STUM: variants seen among roughly 807,000 people sequenced by gnomAD.
STUM encodes stum, mechanosensory transduction mediator homolog, also known as protein stum homolog.
Under a neutral mutation model 15.3 loss-of-function variants are expected in STUM, and 8 were observed. That is an observed-to-expected ratio of 0.52 (90% CI 0.31 to 0.94). The LOEUF (loss-of-function observed/expected upper bound fraction) is 0.94. Ranked by LOEUF, STUM falls within the 40% of genes least tolerant of loss-of-function variation. The pLI is 0.05. For missense variants in STUM, 142 were observed against 204.9 expected (o/e 0.69, Z 1.87); for synonymous variants, 78 against 88.7 (o/e 0.88, Z 0.68).
chr1:226,557,631 C>T (rs1384247799), intron 1 of STUM, among the ~76,000 whole-genome samples: 5 of 152,222 alleles, frequency 3.3e-5, no homozygotes. Context: ...TCCACGTCCT[C>T]ACCAACACTT....
intron 1 of STUM, among the ~76,000 whole-genome samples, chr1:226,553,272 T>G (rs1382601886): frequency 1.3e-5 from 2 of 152,142 alleles, no homozygotes; most frequent in East Asian, 3.8e-4. Flanking sequence ...GAGAAGGACA[T>G]TCTAGAGAGT....
intron 1 of STUM, among the ~76,000 whole-genome samples, chr1:226,562,281 C>CA (rs1403022052): frequency 6.6e-6 from 1 of 151,872 alleles, no homozygotes; most frequent in East Asian, 1.9e-4. Flanking sequence ...CTGGCCTGGC[C>CA]AGCGTGATGA....
chr1:226,573,441 C>A (rs1667753112), intron 1 of STUM, among the ~76,000 whole-genome samples: 1 of 152,172 alleles, frequency 6.6e-6, no homozygotes, highest in South Asian at 2.1e-4. Context: ...AAATCCAGGG[C>A]ACAGTGGATT....
chr1:226,561,823 G>A (rs940686635), intron 1 of STUM, among the ~76,000 whole-genome samples: 1 of 152,144 alleles, frequency 6.6e-6, no homozygotes, highest in African/African-American at 2.4e-5. Context: ...ACTTACACAG[G>A]GAACATGAGA....
At chr1:226,577,961 G>A (rs1364154065) in intron 1 of STUM, among the ~76,000 whole-genome samples, 1 of 152,078 alleles carries the variant, frequency 6.6e-6, no homozygotes, top group African/African-American at 2.4e-5. Flanking sequence ...CTTTTCTTTG[G>A]GGGAGGTCTG....
intron 1 of STUM, among the ~76,000 whole-genome samples, chr1:226,577,427 G>A (rs768493887): frequency 2.1e-4 from 32 of 152,130 alleles, no homozygotes; most frequent in Non-Finnish European, 3.7e-4. Context: ...GAAGCCTCGG[G>A]AAGTCTCCAG....
Position 226,563,319 on chromosome 1 carries a change from C to G in STUM, c.202+14213C>G, listed in dbSNP as rs568693016. On this transcript the variant is annotated intron_variant, in intron 1 of 3. Transcript: ENST00000366788. Reference sequence around the variant, plus strand: ...TAAGTCAGGGGCTATCTGGGGACCACAGGAAAAAAGTCAGGGCACAAGGTG... The same window carrying G: ...TAAGTCAGGGGCTATCTGGGGACCAGAGGAAAAAAGTCAGGGCACAAGGTG... Among the ~76,000 whole-genome samples the G allele has an allele frequency of 1.5e-3, 228 of 152,334 alleles. 2 individuals carry two copies. Among genetic ancestry groups the G allele is most frequent in the Non-Finnish European group, 2.4e-3 (164 of 68,024 alleles).
chr1:226,563,392 T>A (rs962405326), intron 1 of STUM, among the ~76,000 whole-genome samples: 1 of 152,218 alleles, frequency 6.6e-6, no homozygotes, highest in East Asian at 1.9e-4. Flanking sequence ...TTTCCAGAGA[T>A]CCTTACTATT....
chr1:226,572,820 G>T (rs2102696071), intron 1 of STUM, among the ~76,000 whole-genome samples: 1 of 152,346 alleles, frequency 6.6e-6, no homozygotes, highest in Non-Finnish European at 1.5e-5. Flanking sequence ...CACGGGACCA[G>T]GCTCATGAAA....
At position 226,600,499 on chromosome 1, in the gene STUM, C is replaced by A. The variant is rs369208296; in HGVS notation, c.383-167C>A. On this transcript the variant is annotated intron_variant, in intron 2 of 3. Coordinates refer to ENST00000366788, the MANE Select transcript of STUM (RefSeq NM_001003665.4). The surrounding 1 kb of genome is among the most constrained non-coding windows in gnomAD (Gnocchi z 5.2). ...CTGAGCACTCCCTGCCTGGGGATGG[C>A]GTCTGAGAAGCCACTGGCATGGCCC... 9.3e-6 allele frequency: 7 copies of A among 753,498 alleles called. No individual in the cohort carries two copies. Among genetic ancestry groups the A allele is most frequent in the Admixed American group, 2.1e-5 (1 of 46,954 alleles). The allele number at this position is 753,498 out of a possible 1,614,324, so 46.7% of individuals were successfully genotyped here.
chr1:226,590,489 C>T (rs1054556044), intron 1 of STUM, among the ~76,000 whole-genome samples: 1 of 152,180 alleles, frequency 6.6e-6, no homozygotes, highest in Non-Finnish European at 1.5e-5. Flanking sequence ...TCCCCTGTCC[C>T]CTTTGTGGTC....
intron 1 of STUM, among the ~76,000 whole-genome samples, chr1:226,571,318 A>T (rs1356375368): frequency 1.3e-5 from 2 of 152,240 alleles, no homozygotes; most frequent in Admixed American, 6.5e-5. Flanking sequence ...GATGTATTAA[A>T]TAAGAAGATC....
chr1:226,584,619 G>C (rs971469075), intron 1 of STUM, among the ~76,000 whole-genome samples: 15 of 152,162 alleles, frequency 9.9e-5, no homozygotes, highest in African/African-American at 3.4e-4. Context: ...TTGACTGAGA[G>C]CCCCACTCTG....
intron 1 of STUM, among the ~76,000 whole-genome samples, chr1:226,591,890 G>A (rs538149497): frequency 1.6e-4 from 24 of 151,472 alleles, no homozygotes; most frequent in Non-Finnish European, 2.9e-4. Context: ...AGGGTCACTG[G>A]GTCTCAGCTC....
intron 3 of STUM, 85 bp from the exon 4 acceptor site, chr1:226,601,921 G>A (rs1668274594): frequency 8.8e-7 from 1 of 1,131,980 alleles, no homozygotes; most frequent in Non-Finnish European, 1.3e-6. Flanking sequence ...TGCCTCCTGT[G>A]TGCATTCTGG....
intron 1 of STUM, among the ~76,000 whole-genome samples, chr1:226,591,398 C>A (rs1406554182): frequency 6.6e-6 from 1 of 152,190 alleles, no homozygotes; most frequent in Non-Finnish European, 1.5e-5. Flanking sequence ...AAAGAAGGAG[C>A]AGAGACCAAA....
intron 1 of STUM, among the ~76,000 whole-genome samples, chr1:226,559,677 A>G (rs1280710690): frequency 6.6e-6 from 1 of 152,220 alleles, no homozygotes; most frequent in Non-Finnish European, 1.5e-5. Context: ...TCACTCTTTC[A>G]AAGTGTATGA....
chr1:226,597,042 TTGGG>T, intron 2 of STUM, 61 bp downstream of exon 2: 2 of 1,500,052 alleles, frequency 1.3e-6, no homozygotes, highest in Non-Finnish European at 1.9e-6. Context: ...CAGGAAGGGC[TTGGG>T]AGACCTTCAT....
chr1:226,602,057 G>A lies in STUM; in HGVS notation c.*17G>A, dbSNP rs182763913. Reference sequence around the variant, plus strand: ...CAGCTGTGAGCCCACGGGAGCCGCTGGGGAGATCCAGGGGGGCCCTGTGAG... The same window carrying A: ...CAGCTGTGAGCCCACGGGAGCCGCTAGGGAGATCCAGGGGGGCCCTGTGAG... On this transcript the variant is annotated 3_prime_UTR_variant, in exon 4 of 4. Transcript: ENST00000366788. The A allele has an allele frequency of 1.3e-5, 21 of 1,603,008 alleles. No individual in the cohort carries two copies. The African/African-American group carries it at 2.0e-4, about 15-fold the overall frequency.
Sources: allele counts gnomAD v4.1 joint callset (sites outside exome capture counted in the v4.1 genomes callset), GRCh38; gene constraint gnomAD v4.1.1; non-coding constraint Gnocchi (gnomAD v3.1); transcripts MANE v1.5; gene names NCBI Gene and HGNC (gene_info 2026-07-23, HGNC 2026-07-21).